The following ADAMTS6 variants were observed in gnomAD, a reference collection of about 807,000 sequenced individuals.
ADAMTS6 encodes A disintegrin and metalloproteinase with thrombospondin motifs 6.
A neutral mutation model predicts 144.3 loss-of-function variants in ADAMTS6; 23 were observed. The ratio of observed to expected loss-of-function variants is 0.16; its 90% CI spans 0.11 to 0.23. The LOEUF is 0.23. Ranked by LOEUF, ADAMTS6 falls within the 10% of genes least tolerant of loss-of-function variation. ADAMTS6 has a pLI of 1.00. For synonymous variants in ADAMTS6, 444 were observed against 457.5 expected, an observed-to-expected ratio of 0.97 and a Z score of 0.38; for missense variants, 999 against 1,379.6, an observed-to-expected ratio of 0.72 and a Z score of 4.37.
chr5:65,441,783 TG>T (rs911081442), intron 7 of ADAMTS6, among the ~76,000 whole-genome samples: 132 of 142,172 alleles, frequency 9.3e-4, no homozygotes, highest in African/African-American at 3.3e-3. Flanking sequence ...ATTTCTGCAG[TG>T]GGGGGGAATT....
At chr5:65,255,323 A>G (rs1389232425) in intron 14 of ADAMTS6, among the ~76,000 whole-genome samples, 1 of 152,032 alleles carries the variant, frequency 6.6e-6, no homozygotes, top group Non-Finnish European at 1.5e-5. Context: ...GTTTGGTTAC[A>G]TGCCTAAGTT....
chr5:65,389,208 A>G (rs1217851262), intron 7 of ADAMTS6, among the ~76,000 whole-genome samples: 2 of 146,860 alleles, frequency 1.4e-5, no homozygotes, highest in Admixed American at 1.3e-4. Context: ...CATCTCAAAG[A>G]AAAAAAAAAA....
intron 11 of ADAMTS6, among the ~76,000 whole-genome samples, chr5:65,281,215 T>C (rs1454796317): frequency 6.6e-6 from 1 of 152,144 alleles, no homozygotes; most frequent in Non-Finnish European, 1.5e-5. Context: ...CTGTTCGATA[T>C]CAATGTCCCA....
chr5:65,364,652 C>T (rs1208405250), intron 7 of ADAMTS6, among the ~76,000 whole-genome samples: 20 of 150,652 alleles, frequency 1.3e-4, no homozygotes, highest in African/African-American at 4.4e-4. Context: ...CTGTAAGCTC[C>T]GCCTCCTGGG....
At chr5:65,377,114 T>G (rs911543125) in intron 7 of ADAMTS6, among the ~76,000 whole-genome samples, 12 of 152,102 alleles carry the variant, frequency 7.9e-5, no homozygotes, top group African/African-American at 2.4e-4. Context: ...CATTAAAAAT[T>G]TGAAAAAATC....
At chr5:65,166,013 T>C (rs1284127022) in intron 24 of ADAMTS6, among the ~76,000 whole-genome samples, 4 of 147,676 alleles carry the variant, frequency 2.7e-5, no homozygotes, top group African/African-American at 1.0e-4. Context: ...AATGACAGGA[T>C]CAAATTCACA....
In ADAMTS6 at chr5:65,216,782, TACACAC is replaced by T. The variant is rs10584577; in HGVS notation, c.2273-1301_2273-1296del. Among the ~76,000 whole-genome samples the T allele has an allele frequency of 1.6e-3, 231 of 148,520 alleles. 1 individual carries two copies. Among genetic ancestry groups the T allele is most frequent in the African/African-American group, 4.1e-3 (166 of 40,360 alleles). On this transcript the variant is annotated intron_variant, in intron 18 of 24. Coordinates refer to ENST00000381055, the MANE Select transcript of ADAMTS6 (RefSeq NM_197941.4). ...CTTTAAAAAAATCTCTTACAAGAAA[TACACAC>T]ACACACACACACACACACACACAGT...
chr5:65,291,254 C>G, intron 11 of ADAMTS6, 75 bp downstream of exon 11: 1 of 1,505,634 alleles, frequency 6.6e-7, no homozygotes, highest in East Asian at 2.3e-5. Flanking sequence ...CGACATTCAT[C>G]GTAATTCCAT....
At chr5:65,239,467 A>T (rs1161485280) in intron 15 of ADAMTS6, among the ~76,000 whole-genome samples, 3 of 152,194 alleles carry the variant, frequency 2.0e-5, no homozygotes, top group Non-Finnish European at 4.4e-5. Flanking sequence ...GGAAGAAAAC[A>T]TATGAAAATA....
At chr5:65,315,623 A>T (rs1174437863) in intron 9 of ADAMTS6, among the ~76,000 whole-genome samples, 1 of 150,984 alleles carries the variant, frequency 6.6e-6, no homozygotes, top group East Asian at 1.9e-4. Context: ...AAATATAAAG[A>T]CTCAGCTAGG....
Position 65,249,709 on chromosome 5 carries a change from T to A in ADAMTS6, c.1831-7503A>T, listed in dbSNP as rs932573258. 5.3e-5 allele frequency among the ~76,000 whole-genome samples: 8 copies of A among 152,362 alleles called. No homozygotes were observed. The East Asian group carries it at 1.5e-3, about 29-fold the overall frequency. ...CACCACTGGTAACTCGCATACCTTC[T>A]ACCAGTAACATATATAAAGTATGTT... is the stretch of plus-strand genomic sequence containing the variant. On this transcript the variant is annotated intron_variant, in intron 14 of 24. Coordinates refer to ENST00000381055, the MANE Select transcript of ADAMTS6 (RefSeq NM_197941.4).
chr5:65,209,956 G>A (rs1756383523), intron 20 of ADAMTS6: 4 of 163,482 alleles, frequency 2.4e-5, no homozygotes, highest in Non-Finnish European at 4.0e-5. Context: ...CCAAATACAG[G>A]TTGATAGCTC....
chr5:65,447,606 A>G (rs1411049641), intron 7 of ADAMTS6, among the ~76,000 whole-genome samples: 1 of 152,096 alleles, frequency 6.6e-6, no homozygotes, highest in Non-Finnish European at 1.5e-5. Flanking sequence ...TAGAGTGTCA[A>G]GTAAAGAATA....
At chr5:65,474,988 G>A (rs929429988) in intron 1 of ADAMTS6, among the ~76,000 whole-genome samples, 3 of 151,814 alleles carry the variant, frequency 2.0e-5, no homozygotes, top group Admixed American at 6.6e-5. Context: ...AGATAAATGC[G>A]TTTAATAAGG....
At chr5:65,332,312 T>TATATATAGAG (rs1384467152) in intron 8 of ADAMTS6, among the ~76,000 whole-genome samples, 3 of 102,114 alleles carry the variant, frequency 2.9e-5, no homozygotes, top group Non-Finnish European at 6.4e-5. Context: ...TATATATATA[T>TATATATAGAG]AGAGAGAGAG....
At chr5:65,362,258 C>T (rs1749900908) in intron 7 of ADAMTS6, among the ~76,000 whole-genome samples, 1 of 152,180 alleles carries the variant, frequency 6.6e-6, no homozygotes, top group Non-Finnish European at 1.5e-5. Context: ...CCTGGTGATA[C>T]CCAGTCAGTG....
At chr5:65,377,553 A>G (rs2150130126) in intron 7 of ADAMTS6, among the ~76,000 whole-genome samples, 1 of 152,356 alleles carries the variant, frequency 6.6e-6, no homozygotes, top group South Asian at 2.1e-4. Context: ...AGAGAATAAA[A>G]TACTAGTAGA....
intron 7 of ADAMTS6, among the ~76,000 whole-genome samples, chr5:65,351,245 C>A (rs1258341393): frequency 6.6e-6 from 1 of 152,174 alleles, no homozygotes; most frequent in Non-Finnish European, 1.5e-5. Flanking sequence ...AATTCACAGT[C>A]CTCTGGAAAA....
chr5:65,204,714 AAACTC>A (rs1755967938), intron 20 of ADAMTS6, among the ~76,000 whole-genome samples: 1 of 152,228 alleles, frequency 6.6e-6, no homozygotes, highest in Admixed American at 6.5e-5. Context: ...TGTTCTTCCT[AAACTC>A]AAGTCATTTT....
Sources: allele counts gnomAD v4.1 joint callset (sites outside exome capture counted in the v4.1 genomes callset), GRCh38; gene constraint gnomAD v4.1.1; transcripts MANE v1.5; gene names NCBI Gene and HGNC (gene_info 2026-07-23, HGNC 2026-07-21).